The following IL5 variants were observed in gnomAD, a reference collection of about 807,000 sequenced individuals.
IL5 encodes interleukin 5.
A neutral mutation model predicts 16.3 loss-of-function variants in IL5; 12 were observed. The ratio of observed to expected loss-of-function variants is 0.74; its 90% CI spans 0.47 to 1.20. The LOEUF is 1.20. IL5 is among the 50% of genes most tolerant of loss of function. IL5 has a pLI of 0.00. For synonymous variants in IL5, 54 were observed against 56.6 expected (o/e 0.95, Z 0.21); for missense variants, 159 against 153.9 (o/e 1.03, Z -0.17).
At chr5:132,549,735 G>A (rs1443690468) in intron 1 of IL5, among the ~76,000 whole-genome samples, 1 of 152,092 alleles carries the variant, frequency 6.6e-6, no homozygotes, top group Non-Finnish European at 1.5e-5. Context: ...TAGTCCTTAA[G>A]GTCAAATGAC....
At chr5:132,556,122 T>C (rs1482199237) in intron 1 of IL5, 2 of 152,214 alleles carry the variant, frequency 1.3e-5, no homozygotes, top group Non-Finnish European at 2.9e-5. Flanking sequence ...TTTCCTACAT[T>C]TTTCCAAGGC....
At chr5:132,543,190 T>A in intron 1 of IL5, 64 bp from the exon 2 acceptor site, 2 of 1,504,724 alleles carry the variant, frequency 1.3e-6, no homozygotes, top group Non-Finnish European at 1.8e-6. Flanking sequence ...TTTAACAGAA[T>A]GTTTGCTGGT....
intron 1 of IL5, among the ~76,000 whole-genome samples, chr5:132,549,469 G>T (rs1049843204): frequency 2.0e-5 from 3 of 152,152 alleles, no homozygotes; most frequent in Admixed American, 2.0e-4. Flanking sequence ...AGAGACGGAG[G>T]CAATGTGAAC....
At chr5:132,553,022 T>C (rs1194803944) in intron 1 of IL5, among the ~76,000 whole-genome samples, 1 of 152,180 alleles carries the variant, frequency 6.6e-6, no homozygotes, top group African/African-American at 2.4e-5. Context: ...CAGTCTACAT[T>C]GAAATTTCCC....
At chr5:132,550,066 T>A (rs1227195783) in intron 1 of IL5, among the ~76,000 whole-genome samples, 2 of 152,172 alleles carry the variant, frequency 1.3e-5, no homozygotes. Flanking sequence ...CACATATCTA[T>A]ACAATTTCCT....
chr5:132,547,429 A>G (rs1156639239), upstream of IL5, among the ~76,000 whole-genome samples: 1 of 152,232 alleles, frequency 6.6e-6, no homozygotes, highest in Non-Finnish European at 1.5e-5. Flanking sequence ...CCAAATGGAA[A>G]GACAAAATGC....
At chr5:132,549,426 G>A (rs1266681773) in intron 1 of IL5, among the ~76,000 whole-genome samples, 1 of 152,144 alleles carries the variant, frequency 6.6e-6, no homozygotes. Context: ...GAACTCCTGG[G>A]CAAAAGAGAG....
chr5:132,541,774 C>G lies in IL5; in HGVS notation c.*37G>C, dbSNP rs201784667. Reference sequence around the variant, plus strand: ...TCTCACTGCAGTAAAATGTCCTTCTCCTCCAAAATCTTTGGCTGCAACAAA... The same window carrying G: ...TCTCACTGCAGTAAAATGTCCTTCTGCTCCAAAATCTTTGGCTGCAACAAA... On this transcript the variant is annotated 3_prime_UTR_variant, in exon 4 of 4. Coordinates refer to ENST00000231454, the MANE Select transcript of IL5 (RefSeq NM_000879.3). 4 of 1,369,798 alleles carry G rather than the reference C, an allele frequency of 2.9e-6. No individual in the cohort carries two copies. The African/African-American group carries it at 4.3e-5, about 15-fold the overall frequency. 84.9% of individuals were successfully genotyped at this position (1,369,798 alleles called of 1,614,324 possible).
At chr5:132,552,296 A>G (rs890461302) in intron 1 of IL5, among the ~76,000 whole-genome samples, 1 of 152,130 alleles carries the variant, frequency 6.6e-6, no homozygotes, top group Admixed American at 6.6e-5. Context: ...AACAACAACA[A>G]AAAACAAAGA....
intron 1 of IL5, among the ~76,000 whole-genome samples, chr5:132,550,472 C>T (rs545216080): frequency 7.9e-5 from 12 of 152,156 alleles, no homozygotes; most frequent in African/African-American, 2.7e-4. Flanking sequence ...TAAAGGCACG[C>T]GCCATCATGC....
chr5:132,556,598 G>A, intron 1 of IL5: 2 of 960,918 alleles, frequency 2.1e-6, no homozygotes, highest in South Asian at 4.2e-5. Flanking sequence ...CATGTTATGT[G>A]ATCACTGGAA....
intron 2 of IL5, among the ~76,000 whole-genome samples, chr5:132,542,605 T>C (rs961411315): frequency 4.6e-5 from 7 of 152,210 alleles, no homozygotes; most frequent in African/African-American, 1.7e-4. Flanking sequence ...ATTTTACATT[T>C]TAATATGACC....
chr5:132,543,056 T>C (rs1749723307), intron 2 of IL5, 38 bp downstream of exon 2: 1 of 1,428,272 alleles, frequency 7.0e-7, no homozygotes, highest in South Asian at 1.2e-5. Context: ...AATTTACTTA[T>C]TCATGCCATC....
intron 1 of IL5, among the ~76,000 whole-genome samples, chr5:132,551,710 T>C (rs1030058538): frequency 1.3e-5 from 2 of 152,220 alleles, no homozygotes; most frequent in African/African-American, 4.8e-5. Context: ...TATGAATCTT[T>C]CTTAAATGTA....
chr5:132,541,643 G>A lies in IL5; in HGVS notation c.*168C>T, dbSNP rs1259199829. On this transcript the variant is annotated 3_prime_UTR_variant, in exon 4 of 4. Coordinates refer to ENST00000231454, the MANE Select transcript of IL5 (RefSeq NM_000879.3). ...TTCTGATATCTGAAATATATTTTAA[G>A]AATTTTATGCTTTCTGGCAAAGTGT... is the stretch of plus-strand genomic sequence containing the variant. 2.0e-6 allele frequency: 1 copy of A among 492,936 alleles called. No individual in the cohort carries two copies. The highest frequency in any genetic ancestry group is 3.2e-5 in the East Asian group (1 of 30,970). The allele number at this position is 492,936 out of a possible 1,614,324, so 30.5% of individuals were successfully genotyped here. A position where few individuals can be genotyped will look rare whatever the true frequency, so the allele number is the denominator to read the frequency against.
intron 1 of IL5, among the ~76,000 whole-genome samples, chr5:132,553,319 A>G (rs2149827401): frequency 6.6e-6 from 1 of 152,238 alleles, no homozygotes; most frequent in South Asian, 2.1e-4. Flanking sequence ...AGTTACATCT[A>G]AAGGTATGAT....
rs925432262 is a variant in IL5 at position 132,541,755 on chromosome 5, T to G, written c.*56A>C. On this transcript the variant is annotated 3_prime_UTR_variant, in exon 4 of 4. Coordinates refer to ENST00000231454, the MANE Select transcript of IL5 (RefSeq NM_000879.3). ...ACTCTTTCTTGGCCCTCATTCTCAC[T>G]GCAGTAAAATGTCCTTCTCCTCCAA... The G allele has an allele frequency of 4.7e-6, 5 of 1,068,960 alleles. No homozygotes were observed. The highest frequency in any genetic ancestry group is 7.2e-6 in the Non-Finnish European group (5 of 697,694). 66.2% of individuals were successfully genotyped at this position (1,068,960 alleles called of 1,614,324 possible). A position where few individuals can be genotyped will look rare whatever the true frequency, so the allele number is the denominator to read the frequency against.
At chr5:132,548,075 A>T (rs2522411), upstream of IL5, among the ~76,000 whole-genome samples, 103,466 of 151,922 alleles carry the variant, frequency 0.68, 37,150 homozygotes, top group East Asian at 0.82. Context: ...TTTCAAATAA[A>T]TAAATAAATA....
upstream of IL5, among the ~76,000 whole-genome samples, chr5:132,547,534 C>G (rs1749812926): frequency 6.6e-6 from 1 of 152,138 alleles, no homozygotes; most frequent in South Asian, 2.1e-4. Context: ...GACGTGATGA[C>G]TACATACAAT....
Sources: gnomAD v4.1 joint callset for allele counts (sites outside exome capture counted in the v4.1 genomes callset) on GRCh38, gnomAD v4.1.1 for gene constraint, MANE v1.5 for transcripts, NCBI Gene and HGNC (gene_info 2026-07-23, HGNC 2026-07-21) for gene names.